The following UBR3 variants were observed in gnomAD, a reference collection of about 807,000 sequenced individuals.
UBR3 encodes ubiquitin protein ligase E3 component n-recognin 3.
In UBR3, 85 loss-of-function variants were observed where a neutral mutation model predicts 243.2. The observed-to-expected ratio is 0.35, with a 90% CI of 0.29 to 0.42. The LOEUF is 0.42. Among genes scored for constraint, UBR3 ranks in the 10% least tolerant of loss-of-function variants. UBR3 has a pLI of 1.00. For synonymous variants in UBR3, 748 were observed against 799.8 expected (o/e 0.94, Z 1.09); for missense variants, 1,686 against 2,300.8 (o/e 0.73, Z 5.47).
At chr2:169,940,309 C>A (rs1311712396) in intron 19 of UBR3, among the ~76,000 whole-genome samples, 3 of 152,026 alleles carry the variant, frequency 2.0e-5, no homozygotes, top group African/African-American at 7.2e-5. Flanking sequence ...TGGCCCACAA[C>A]TTTTTCTATA....
At chr2:170,047,317 A>G (rs772086383) in intron 32 of UBR3, among the ~76,000 whole-genome samples, 65 of 152,170 alleles carry the variant, frequency 4.3e-4, no homozygotes, top group East Asian at 1.9e-4. Context: ...CCTAAGACCA[A>G]GGCTTTTTAG....
intron 1 of UBR3, among the ~76,000 whole-genome samples, chr2:169,847,416 TCA>T (rs1207793030): frequency 6.6e-6 from 1 of 152,184 alleles, no homozygotes; most frequent in East Asian, 1.9e-4. Context: ...CTTTCACTTA[TCA>T]CAGTCTACTT....
intron 11 of UBR3, among the ~76,000 whole-genome samples, chr2:169,922,165 AGT>A: frequency 1.3e-5 from 2 of 151,892 alleles, no homozygotes; most frequent in East Asian, 3.9e-4. Context: ...GTGTGTCTGT[AGT>A]CCCAGCTGCT....
intron 1 of UBR3, among the ~76,000 whole-genome samples, chr2:169,831,454 AC>A (rs1240359318): frequency 6.6e-6 from 1 of 151,952 alleles, no homozygotes; most frequent in African/African-American, 2.4e-5. Context: ...CCGGCCGGAT[AC>A]ATAATATTTA....
At chr2:169,966,852 C>CT (rs2087834247) in intron 24 of UBR3, among the ~76,000 whole-genome samples, 1 of 152,114 alleles carries the variant, frequency 6.6e-6, no homozygotes, top group Non-Finnish European at 1.5e-5. Context: ...CTTGCTTAAT[C>CT]ATTCACCCAC....
chr2:169,922,426 T>A (rs1288360735), intron 11 of UBR3, among the ~76,000 whole-genome samples: 1 of 151,730 alleles, frequency 6.6e-6, no homozygotes, highest in Non-Finnish European at 1.5e-5. Context: ...GCAAACTTTT[T>A]AAAATTTTAT....
rs1177231874 is a variant in UBR3, at chr2:169,891,190, T to C, written c.1064T>C (p.Leu355Pro). 6.5e-7 allele frequency: 1 copy of C among 1,550,092 alleles called. No homozygotes were observed. Residue 355 changes from leucine to proline, a missense_variant, in exon 6 of 39, where the codon CTG becomes CCG. Around this residue, in one of 8 missense-constraint regions of UBR3, gnomAD observed 200 missense variants for 231.6 expected, o/e 0.86. Coordinates refer to ENST00000272793, the MANE Select transcript of UBR3 (RefSeq NM_172070.4). ...GATGATCAGGATGGTAGTCAAGGTC[T>C]GGGCAAGAGAAAAAGGGTAAAACTA... Reference protein sequence around the residue: ...DEDDQDGSQGLGKRKRVKLSS... With the variant: ...DEDDQDGSQGPGKRKRVKLSS...
Position 169,949,692 on chromosome 2 carries a change from A to G in UBR3, c.3172A>G (p.Asn1058Asp). The G allele has an allele frequency of 6.4e-7, 1 of 1,551,592 alleles. No individual in the cohort carries two copies. Residue 1058 changes from asparagine (N) to aspartate (D), a missense_variant, in exon 23 of 39, where the codon AAT becomes GAT. Coordinates refer to ENST00000272793, the MANE Select transcript of UBR3 (RefSeq NM_172070.4). Reference sequence around the variant, plus strand: ...CATCAATCGCAGTAGCAGTGAAGCAAATCAGGTGGTTCGTCCCAAAACTTC... The same window carrying G: ...CATCAATCGCAGTAGCAGTGAAGCAGATCAGGTGGTTCGTCCCAAAACTTC... ...EIINRSSSEA[N>D]QVVRPKTSSK...
chr2:169,838,685 G>T (rs1209008839), intron 1 of UBR3, among the ~76,000 whole-genome samples: 1 of 152,148 alleles, frequency 6.6e-6, no homozygotes, highest in Non-Finnish European at 1.5e-5. Flanking sequence ...AAAAGTTTAT[G>T]TCCTTTTCAC....
intron 19 of UBR3, among the ~76,000 whole-genome samples, chr2:169,942,195 T>C (rs146161192): frequency 1.3e-5 from 2 of 152,308 alleles, no homozygotes; most frequent in East Asian, 3.9e-4. Flanking sequence ...AGCTGGAAAT[T>C]TCCTTGCTGA....
intron 5 of UBR3, among the ~76,000 whole-genome samples, chr2:169,890,559 A>G (rs1175416074): frequency 9.5e-6 from 1 of 105,810 alleles, no homozygotes; most frequent in Non-Finnish European, 1.9e-5. Context: ...ATATATATAT[A>G]TATATGTGTA....
At chr2:169,863,631 C>T (rs1192905341) in intron 1 of UBR3, among the ~76,000 whole-genome samples, 1 of 152,172 alleles carries the variant, frequency 6.6e-6, no homozygotes, top group Non-Finnish European at 1.5e-5. Context: ...CTAGAAAGCT[C>T]TTCTCTTGTT....
At chr2:169,889,548 T>C (rs969504239) in intron 5 of UBR3, among the ~76,000 whole-genome samples, 1 of 152,152 alleles carries the variant, frequency 6.6e-6, no homozygotes, top group African/African-American at 2.4e-5. Flanking sequence ...TTCTATCTTT[T>C]AAGGCTTCAT....
chr2:169,978,441 T>C (rs1303136931), intron 24 of UBR3, among the ~76,000 whole-genome samples: 5 of 151,824 alleles, frequency 3.3e-5, no homozygotes, highest in African/African-American at 7.3e-5. Flanking sequence ...ATTCAGGGAG[T>C]TGGGTTGTTT....
chr2:170,033,905 T>C (rs906793471), intron 31 of UBR3, among the ~76,000 whole-genome samples: 1 of 151,814 alleles, frequency 6.6e-6, no homozygotes, highest in African/African-American at 2.4e-5. Context: ...TTTCCTCTTA[T>C]CCATAGAATC....
intron 1 of UBR3, among the ~76,000 whole-genome samples, chr2:169,833,927 C>T (rs921539273): frequency 1.2e-4 from 19 of 152,124 alleles, no homozygotes; most frequent in East Asian, 9.7e-4. Flanking sequence ...TGACTGTAGG[C>T]GCACACCACC....
chr2:169,853,321 T>C (rs2082727985), intron 1 of UBR3, among the ~76,000 whole-genome samples: 1 of 152,236 alleles, frequency 6.6e-6, no homozygotes, highest in Admixed American at 6.5e-5. Context: ...TATGATAAGC[T>C]ATGAGCAGGA....
intron 35 of UBR3, among the ~76,000 whole-genome samples, chr2:170,064,947 A>C (rs538756659): frequency 6.6e-6 from 1 of 151,340 alleles, no homozygotes; most frequent in East Asian, 2.0e-4. Flanking sequence ...GGTTCAAGCA[A>C]TTCTCCTACC....
At chr2:170,029,298 G>A in intron 30 of UBR3, 48 bp from the exon 31 acceptor site, 1 of 1,475,580 alleles carries the variant, frequency 6.8e-7, no homozygotes, top group South Asian at 1.3e-5. Flanking sequence ...ATTTTGTTCT[G>A]TAACAAATGT....
Sources: gnomAD v4.1 joint callset for allele counts (sites outside exome capture counted in the v4.1 genomes callset) on GRCh38, gnomAD v4.1.1 for gene constraint, gnomAD v4.1.1 regional missense constraint, MANE v1.5 for transcripts, NCBI Gene and HGNC (gene_info 2026-07-23, HGNC 2026-07-21) for gene names.